Variants in TMEM65 observed in about 807,000 individuals in gnomAD.
TMEM65 encodes the protein transmembrane protein 65.
A neutral mutation model predicts 25.4 loss-of-function variants in TMEM65; 22 were observed. The ratio of observed to expected loss-of-function variants is 0.86; its 90% confidence interval spans 0.62 to 1.23. The LOEUF (loss-of-function observed/expected upper bound fraction) is 1.23, where lower values mean the gene tolerates loss of function less well. TMEM65 is among the 50% of genes most tolerant of loss of function. TMEM65 has a pLI of 0.00. For missense variants in TMEM65, 262 were observed against 308.2 expected (o/e 0.85, Z 1.12); for synonymous variants, 132 against 126.2 (o/e 1.05, Z -0.31).
chr8:124,361,391 C>A (rs145922175), intron 1 of TMEM65, among the ~76,000 whole-genome samples: 1,715 of 149,126 alleles, frequency 0.012, 30 homozygotes, highest in African/African-American at 0.04. Flanking sequence ...GCCGAGACTG[C>A]GCCATTGCAC....
intron 6 of TMEM65, among the ~76,000 whole-genome samples, chr8:124,316,104 T>C (rs976579864): frequency 1.3e-5 from 2 of 152,190 alleles, no homozygotes; most frequent in African/African-American, 4.8e-5. Flanking sequence ...TCTCAAGAGA[T>C]ATAATGTCAA....
rs1421882286 is a variant in TMEM65 at position 124,330,617 on chromosome 8, A to C, written c.349+131T>G. On this transcript the variant is annotated intron_variant, in intron 2 of 6. Transcript: ENST00000297632. ...AGTTTATAAACTTTGTGCTTCATATAATGAACAGGATAATCCACTCTATCT... is the reference window on the plus strand; with the variant it reads ...AGTTTATAAACTTTGTGCTTCATATCATGAACAGGATAATCCACTCTATCT... 38 of 764,352 alleles carry C rather than the reference A, an allele frequency of 5.0e-5. 1 individual carries two copies. The South Asian group carries it at 8.2e-4, about 16-fold the overall frequency. 47.3% of individuals were successfully genotyped at this position (764,352 alleles called of 1,614,324 possible). A position where few individuals can be genotyped will look rare whatever the true frequency, so the allele number is the denominator to read the frequency against.
rs759363810 is a variant in TMEM65 at position 124,372,189 on chromosome 8, G to A, written c.-32C>T. ...CTGAGGAGCTGGGACCCCCGCGGCCGTCCGGCAAGGCGGTTTCTGGCGCGG... is the reference window on the plus strand; with the variant it reads ...CTGAGGAGCTGGGACCCCCGCGGCCATCCGGCAAGGCGGTTTCTGGCGCGG... On this transcript the variant is annotated 5_prime_UTR_variant, in exon 1 of 7. The change creates a new upstream start codon in the 5' untranslated region. Transcript: ENST00000297632. 1 of 1,251,024 alleles carries A rather than the reference G, an allele frequency of 8.0e-7. No individual in the cohort carries two copies. The highest frequency in any genetic ancestry group is 1.0e-6 in the Non-Finnish European group (1 of 990,328). 77.5% of individuals were successfully genotyped at this position (1,251,024 alleles called of 1,614,324 possible). A position where few individuals can be genotyped will look rare whatever the true frequency, so the allele number is the denominator to read the frequency against.
chr8:124,345,064 ATGTAGCAAAC>A (rs1418794251), intron 1 of TMEM65, among the ~76,000 whole-genome samples: 1 of 152,208 alleles, frequency 6.6e-6, no homozygotes, highest in Non-Finnish European at 1.5e-5. Flanking sequence ...CTGCCTCCAT[ATGTAGCAAAC>A]TGCAATCTAA....
intron 2 of TMEM65, 41 bp from the exon 3 acceptor site, chr8:124,327,462 C>A: frequency 1.5e-6 from 2 of 1,338,486 alleles, no homozygotes; most frequent in Non-Finnish European, 2.1e-6. Context: ...TTTAAGATTT[C>A]TATAACTTAG....
intron 1 of TMEM65, among the ~76,000 whole-genome samples, chr8:124,341,702 G>A (rs1208334276): frequency 6.6e-6 from 1 of 151,922 alleles, no homozygotes. Flanking sequence ...GTCTAGTCTT[G>A]TAATTTTCAC....
intron 1 of TMEM65, among the ~76,000 whole-genome samples, chr8:124,347,296 A>C (rs1168159706): frequency 2.0e-5 from 3 of 152,234 alleles, no homozygotes; most frequent in Non-Finnish European, 4.4e-5. Context: ...CGTAAAACCC[A>C]TAAAGGCATT....
chr8:124,368,128 G>A (rs2131233688), intron 1 of TMEM65, among the ~76,000 whole-genome samples: 2 of 151,404 alleles, frequency 1.3e-5, no homozygotes, highest in South Asian at 4.2e-4. Context: ...CCTCAAAGAT[G>A]TACCCCCGAT....
intron 4 of TMEM65, among the ~76,000 whole-genome samples, chr8:124,322,572 T>G (rs1379636571): frequency 6.6e-6 from 1 of 152,142 alleles, no homozygotes; most frequent in Admixed American, 6.6e-5. Context: ...TTCCCAAATT[T>G]TACCTCTGTG....
At chr8:124,351,143 T>C in intron 1 of TMEM65, 1 of 977,696 alleles carries the variant, frequency 1.0e-6, no homozygotes, top group Non-Finnish European at 1.2e-6. Flanking sequence ...AAAATCAAAA[T>C]ATATGCATGC....
intron 1 of TMEM65, among the ~76,000 whole-genome samples, chr8:124,348,329 A>G (rs1293415662): frequency 1.3e-5 from 2 of 152,114 alleles, no homozygotes; most frequent in Non-Finnish European, 2.9e-5. Context: ...GTAGTTTCAC[A>G]CATATAACTT....
chr8:124,315,441 C>G (rs1250600741), intron 6 of TMEM65, among the ~76,000 whole-genome samples: 4 of 151,970 alleles, frequency 2.6e-5, no homozygotes, highest in African/African-American at 9.7e-5. Flanking sequence ...CCTGCCTCAG[C>G]CTCCTGAGTA....
intron 3 of TMEM65, among the ~76,000 whole-genome samples, chr8:124,323,904 C>T (rs1554588224): frequency 7.7e-6 from 1 of 130,030 alleles, no homozygotes; most frequent in African/African-American, 2.9e-5. Flanking sequence ...GCATTTAGTA[C>T]AATAGATCTA....
intron 1 of TMEM65, among the ~76,000 whole-genome samples, chr8:124,337,455 C>A (rs1188398619): frequency 2.0e-5 from 3 of 151,936 alleles, no homozygotes; most frequent in Non-Finnish European, 4.4e-5. Context: ...TAACCAACAT[C>A]CAAACTTCTT....
chr8:124,352,554 T>G (rs1814725412), intron 1 of TMEM65, among the ~76,000 whole-genome samples: 1 of 150,818 alleles, frequency 6.6e-6, no homozygotes, highest in South Asian at 2.1e-4. Context: ...ACAGGTAAGA[T>G]TCCAGAAAGG....
Position 124,372,185 on chromosome 8 carries a change from G to C in TMEM65, c.-28C>G. On this transcript the variant is annotated 5_prime_UTR_variant, in exon 1 of 7. Coordinates refer to ENST00000297632, the MANE Select transcript of TMEM65 (RefSeq NM_194291.3). ...CGAGCTGAGGAGCTGGGACCCCCGC[G>C]GCCGTCCGGCAAGGCGGTTTCTGGC... 3.2e-6 allele frequency: 4 copies of C among 1,245,748 alleles called. No individual in the cohort carries two copies. Among genetic ancestry groups the C allele is most frequent in the Non-Finnish European group, 4.1e-6 (4 of 987,234 alleles). The allele number at this position is 1,245,748 out of a possible 1,614,324, so 77.2% of individuals were successfully genotyped here.
chr8:124,364,453 T>C (rs955682911), intron 1 of TMEM65, among the ~76,000 whole-genome samples: 4 of 152,244 alleles, frequency 2.6e-5, no homozygotes, highest in Admixed American at 1.3e-4. Flanking sequence ...AGCAGTGTTC[T>C]GGAGGCATTT....
At chr8:124,368,685 T>C (rs1586477393) in intron 1 of TMEM65, among the ~76,000 whole-genome samples, 1 of 152,136 alleles carries the variant, frequency 6.6e-6, no homozygotes, top group African/African-American at 2.4e-5. Context: ...AATTGAGACA[T>C]CCAGCCAACA....
intron 1 of TMEM65, among the ~76,000 whole-genome samples, chr8:124,331,750 T>C (rs774117957): frequency 6.6e-6 from 1 of 151,944 alleles, no homozygotes; most frequent in Non-Finnish European, 1.5e-5. Flanking sequence ...TGGATCACTC[T>C]AAAGATTTAG....
Sources: allele counts gnomAD v4.1 joint callset (sites outside exome capture counted in the v4.1 genomes callset), GRCh38; gene constraint gnomAD v4.1.1; transcripts MANE v1.5; gene names NCBI Gene and HGNC (gene_info 2026-07-23, HGNC 2026-07-21).